The following NLGN4X variants were observed in gnomAD, a reference collection of about 807,000 sequenced individuals.
The protein encoded by NLGN4X is neuroligin-4, X-linked.
A neutral mutation model predicts 40.3 loss-of-function variants in NLGN4X; 3 were observed. That is an observed-to-expected ratio of 0.07 (90% CI 0.03 to 0.19). NLGN4X has a LOEUF of 0.19. NLGN4X is among the 10% of genes least tolerant of loss of function. NLGN4X has a pLI of 1.00. For missense variants in NLGN4X, 382 were observed against 708.3 expected (o/e 0.54, Z 5.23); for synonymous variants, 270 against 306.8 (o/e 0.88, Z 1.25).
At chrX:6,013,280 G>C (rs900116056) in intron 3 of NLGN4X, among the ~76,000 whole-genome samples, 1 of 110,504 alleles carries the variant, frequency 9.0e-6, no homozygotes, top group Admixed American at 9.7e-5. Flanking sequence ...TAGATATTTC[G>C]GGGAACATGG....
chrX:6,179,272 C>T (rs960257885), intron 1 of NLGN4X, among the ~76,000 whole-genome samples: 1 of 111,190 alleles, frequency 9.0e-6, no homozygotes, highest in Non-Finnish European at 1.9e-5. Flanking sequence ...CTGAAAAACA[C>T]CCATCGACTC....
chrX:6,006,905 T>A (rs2036116101), intron 3 of NLGN4X, among the ~76,000 whole-genome samples: 1 of 111,340 alleles, frequency 9.0e-6, no homozygotes, highest in Non-Finnish European at 1.9e-5. Context: ...CCCAAATGAC[T>A]TAAGATAGAA....
chrX:6,064,731 C>A (rs2037864290), intron 2 of NLGN4X, among the ~76,000 whole-genome samples: 1 of 111,141 alleles, frequency 9.0e-6, no homozygotes, highest in African/African-American at 3.3e-5. Context: ...AGACAAGTCG[C>A]TACCATTCGA....
chrX:6,157,915 T>C (rs1472647683), intron 1 of NLGN4X, among the ~76,000 whole-genome samples: 1 of 111,081 alleles, frequency 9.0e-6, no homozygotes, highest in African/African-American at 3.3e-5. Flanking sequence ...AAAGAAGGAG[T>C]TCCTGCCCAC....
chrX:5,970,804 A>G (rs144122828), intron 3 of NLGN4X, among the ~76,000 whole-genome samples: 7,598 of 111,823 alleles, frequency 0.068, 629 homozygotes, highest in African/African-American at 0.23. Context: ...AACTGATACT[A>G]TACTGTATAA....
chrX:6,044,078 G>A (rs2147268654), intron 2 of NLGN4X, among the ~76,000 whole-genome samples: 1 of 88,662 alleles, frequency 1.1e-5, no homozygotes, highest in Admixed American at 1.3e-4. Context: ...GACCAGTCTA[G>A]GAACATAATG....
At chrX:5,976,621 A>G (rs1258641123) in intron 3 of NLGN4X, among the ~76,000 whole-genome samples, 1 of 112,533 alleles carries the variant, frequency 8.9e-6, no homozygotes, top group African/African-American at 3.2e-5. Context: ...CACCGCTTTT[A>G]CAGCTGATAG....
At chrX:5,970,340 TAAAAG>T (rs1456530369) in intron 3 of NLGN4X, among the ~76,000 whole-genome samples, 1 of 109,296 alleles carries the variant, frequency 9.1e-6, no homozygotes, top group Non-Finnish European at 1.9e-5. Flanking sequence ...AGTATAATAA[TAAAAG>T]AAAAAGAAAA....
chrX:6,045,276 T>A (rs762554602), intron 2 of NLGN4X, among the ~76,000 whole-genome samples: 2 of 112,181 alleles, frequency 1.8e-5, no homozygotes, highest in Non-Finnish European at 3.8e-5. Context: ...AAAATCTATA[T>A]GATCAAATTC....
intron 4 of NLGN4X, among the ~76,000 whole-genome samples, chrX:5,904,328 T>C (rs977030820): frequency 2.5e-4 from 28 of 111,987 alleles, no homozygotes; most frequent in Admixed American, 2.0e-3. Flanking sequence ...CTCTTCATTA[T>C]GGGAAAAAAA....
In NLGN4X at chrX:5,964,836, G is replaced by C. The variant is rs947149896; in HGVS notation, c.626-55597C>G. ...CTGGCCCATGCTTTTTATCTTAAAT[G>C]TGTATCGTTTCTAGTCAGATACAAG... On this transcript the variant is annotated intron_variant, in intron 3 of 5. Coordinates refer to ENST00000381095, the MANE Select transcript of NLGN4X (RefSeq NM_181332.3). Among the ~76,000 whole-genome samples, 12 of 112,122 alleles carry C rather than the reference G, an allele frequency of 1.1e-4. No individual in the cohort carries two copies. In the Admixed American group the frequency reaches 1.1e-3, roughly 11 times the overall value.
chrX:5,928,442 G>A (rs1213019761), intron 3 of NLGN4X, among the ~76,000 whole-genome samples: 1 of 112,028 alleles, frequency 8.9e-6, no homozygotes, highest in African/African-American at 3.2e-5. Flanking sequence ...ATCATGTGAT[G>A]AGGACGAGGA....
chrX:6,113,139 G>A (rs1295882739), intron 2 of NLGN4X, among the ~76,000 whole-genome samples: 2 of 110,838 alleles, frequency 1.8e-5, no homozygotes, highest in Non-Finnish European at 3.8e-5. Context: ...AATGTAATGT[G>A]GGATCCTGGA....
intron 3 of NLGN4X, among the ~76,000 whole-genome samples, chrX:5,992,604 A>G (rs2035712350): frequency 9.0e-6 from 1 of 111,474 alleles, no homozygotes; most frequent in Non-Finnish European, 1.9e-5. Context: ...CTCTAATTAG[A>G]AAAATAAAAA....
At chrX:6,209,459 G>A (rs12559581) in intron 1 of NLGN4X, among the ~76,000 whole-genome samples, 44,157 of 110,215 alleles carry the variant, frequency 0.4, 7,469 homozygotes, top group African/African-American at 0.66. Flanking sequence ...TCAGCATCAC[G>A]CAAGGCACAG....
At chrX:5,950,244 T>C (rs772891990) in intron 3 of NLGN4X, among the ~76,000 whole-genome samples, 1 of 112,241 alleles carries the variant, frequency 8.9e-6, no homozygotes, top group South Asian at 3.7e-4. Flanking sequence ...AAAATGTGGC[T>C]TGTTCAAACC....
At chrX:5,923,633 A>G (rs757983475) in intron 3 of NLGN4X, among the ~76,000 whole-genome samples, 3 of 111,579 alleles carry the variant, frequency 2.7e-5, no homozygotes, top group African/African-American at 9.8e-5. Context: ...AAACCATCAG[A>G]TCTCATGAGA....
chrX:6,051,975 G>A (rs1385716837), intron 2 of NLGN4X, among the ~76,000 whole-genome samples: 1 of 110,959 alleles, frequency 9.0e-6, no homozygotes. Flanking sequence ...AGATTCTCCT[G>A]CTGGACTTGA....
chrX:5,932,109 G>A (rs781688177), intron 3 of NLGN4X, among the ~76,000 whole-genome samples: 1 of 111,172 alleles, frequency 9.0e-6, no homozygotes, highest in South Asian at 3.8e-4. Context: ...AGTCACTTAT[G>A]GCCACTATGG....
Sources: allele counts gnomAD v4.1 joint callset (sites outside exome capture counted in the v4.1 genomes callset), GRCh38; gene constraint gnomAD v4.1.1; transcripts MANE v1.5; gene names NCBI Gene and HGNC (gene_info 2026-07-23, HGNC 2026-07-21).